Variants in PARP6 observed in about 807,000 individuals in gnomAD.
PARP6 encodes poly(ADP-ribose) polymerase family member 6, also known as protein mono-ADP-ribosyltransferase PARP6.
Under a neutral mutation model 92.0 loss-of-function variants are expected in PARP6, and 27 were observed. The ratio of observed to expected loss-of-function variants is 0.29; its 90% confidence interval spans 0.22 to 0.40. The LOEUF is 0.40. Ranked by LOEUF, PARP6 falls within the 10% of genes least tolerant of loss-of-function variation. The pLI is 1.00. For synonymous variants in PARP6, 272 were observed against 281.2 expected (o/e 0.97, Z 0.33); for missense variants, 501 against 784.5 (o/e 0.64, Z 4.32).
intron 16 of PARP6, 145 bp downstream of exon 16, chr15:72,253,292 C>A: frequency 2.1e-6 from 1 of 475,744 alleles, no homozygotes; most frequent in Non-Finnish European, 3.7e-6. Context: ...CAAGGTATGC[C>A]AACAAACTCC....
chr15:72,255,781 TCTC>T (rs1265314337), intron 14 of PARP6, among the ~76,000 whole-genome samples: 5 of 64,594 alleles, frequency 7.7e-5, no homozygotes, highest in Admixed American at 6.4e-4. Context: ...ATATTACTTC[TCTC>T]TTTTTTTTTT....
At position 72,259,666 on chromosome 15, in the gene PARP6, T is replaced by G; in HGVS notation, c.757-5A>C. Reference sequence around the variant, plus strand: ...GTTCTTGCAGTGACCACTGACCTGGTGAGAGTAAAAAGACAGACCCCGTGA... The same window carrying G: ...GTTCTTGCAGTGACCACTGACCTGGGGAGAGTAAAAAGACAGACCCCGTGA... On this transcript the variant is annotated splice_region_variant and splice_polypyrimidine_tract_variant and intron_variant, in intron 10 of 23. Transcript: ENST00000569795. The G allele has an allele frequency of 6.2e-7, 1 of 1,613,812 alleles. No homozygotes were observed. Among genetic ancestry groups the G allele is most frequent in the Non-Finnish European group, 8.5e-7 (1 of 1,179,788 alleles).
intron 2 of PARP6, among the ~76,000 whole-genome samples, chr15:72,269,907 A>G (rs1293968995): frequency 6.6e-6 from 1 of 151,566 alleles, no homozygotes; most frequent in Non-Finnish European, 1.5e-5. Flanking sequence ...CTCAAAAAAA[A>G]AAAAAAAAAA....
At chr15:72,248,387 G>A (rs2083894952) in intron 20 of PARP6, among the ~76,000 whole-genome samples, 1 of 151,474 alleles carries the variant, frequency 6.6e-6, no homozygotes, top group Admixed American at 6.6e-5. Flanking sequence ...TGTCAACCAG[G>A]CTGGTGTGCA....
intron 15 of PARP6, chr15:72,253,718 CAACA>C (rs2084676413): frequency 5.9e-6 from 4 of 681,434 alleles, no homozygotes; most frequent in Non-Finnish European, 1.1e-5. Context: ...GCTTACAAAA[CAACA>C]TGCAGGTGGG....
In PARP6 at chr15:72,260,620, A is replaced by T; in HGVS notation, c.614T>A (p.Val205Asp). The part of the protein sequence containing the change: ...KGKLGVPELR[V>D]GRLMNRSISC... Reference sequence around the variant, plus strand: ...GATGGAACGGTTCATGAGGCGCCCAACCCGAAGCTCTGGTACACCTAGTTT... The same window carrying T: ...GATGGAACGGTTCATGAGGCGCCCATCCCGAAGCTCTGGTACACCTAGTTT... The change falls in exon 10 of 24, where the codon GTT becomes GAT. Residue 205 changes from valine (V) to aspartate (D), a missense_variant. By Grantham distance (152) the Val-to-Asp change is radical. Around this residue, in one of 4 missense-constraint regions of PARP6, gnomAD observed 291 missense variants for 352.0 expected, o/e 0.83. Coordinates refer to ENST00000569795, the MANE Select transcript of PARP6 (RefSeq NM_001323532.2). 6.2e-7 allele frequency: 1 copy of T among 1,614,136 alleles called. No homozygotes were observed. Among genetic ancestry groups the T allele is most frequent in the Non-Finnish European group, 8.5e-7 (1 of 1,180,028 alleles).
chr15:72,266,732 G>A lies in PARP6; in HGVS notation c.81+13C>T, dbSNP rs181598007. 1.5e-3 allele frequency: 2,433 copies of A among 1,600,574 alleles called. 48 individuals are homozygous for A. Among genetic ancestry groups the A allele is most frequent in the Non-Finnish European group, 1.8e-4 (210 of 1,167,732 alleles). ...ACCATCCAACACGGGGGTCTTGGGA[G>A]ATGTAACCTCACCTGAACGCCATAG... is the stretch of plus-strand genomic sequence containing the variant. On this transcript the variant is annotated intron_variant, in intron 4 of 23. Transcript: ENST00000569795.
At chr15:72,250,511 CTCTT>C (rs1356889009) in intron 18 of PARP6, 6 of 332,110 alleles carry the variant, frequency 1.8e-5, no homozygotes, top group African/African-American at 6.4e-5. Flanking sequence ...TTTAATACCT[CTCTT>C]TCTCTTTCCC....
Position 72,242,887 on chromosome 15 carries a change from G to A in PARP6, c.1562-188C>T. 1 of 574,974 alleles carries A rather than the reference G, an allele frequency of 1.7e-6. No individual in the cohort carries two copies. Among genetic ancestry groups the A allele is most frequent in the Non-Finnish European group, 3.1e-6 (1 of 324,830 alleles). The allele number at this position is 574,974 out of a possible 1,614,324, so 35.6% of individuals were successfully genotyped here. A position where few individuals can be genotyped will look rare whatever the true frequency, so the allele number is the denominator to read the frequency against. On this transcript the variant is annotated intron_variant, in intron 20 of 23. Coordinates refer to ENST00000569795, the MANE Select transcript of PARP6 (RefSeq NM_001323532.2). This position sits in a 1 kb window ranked among gnomAD's most constrained non-coding sequence, Gnocchi z 4.3. ...AGTAATTAACAACACAGCATGGTAAGGGGTTGTGATGCAGATTATAGAGCA... is the reference window on the plus strand; with the variant it reads ...AGTAATTAACAACACAGCATGGTAAAGGGTTGTGATGCAGATTATAGAGCA...
chr15:72,259,415 G>A (rs953030651), intron 11 of PARP6, among the ~76,000 whole-genome samples, 193 bp downstream of exon 11: 1 of 152,246 alleles, frequency 6.6e-6, no homozygotes, highest in African/African-American at 2.4e-5. Flanking sequence ...TTGATCATAA[G>A]TGGTAAGTAT....
At chr15:72,254,569 G>A in intron 14 of PARP6, 49 bp from the exon 15 acceptor site, 1 of 1,457,228 alleles carries the variant, frequency 6.9e-7, no homozygotes, top group Non-Finnish European at 9.6e-7. Flanking sequence ...AAAAGTAGAG[G>A]AAAGTAAGAT....
intron 20 of PARP6, chr15:72,243,769 G>T (rs542457996): frequency 6.6e-6 from 1 of 152,198 alleles, no homozygotes; most frequent in East Asian, 1.9e-4. Flanking sequence ...GGACACACGT[G>T]CCTGTGTGTG....
At chr15:72,270,814 T>G (rs755729040) in intron 2 of PARP6, among the ~76,000 whole-genome samples, 3 of 152,238 alleles carry the variant, frequency 2.0e-5, no homozygotes, top group Non-Finnish European at 2.9e-5. Context: ...TATAAAATGT[T>G]TATCAGAATG....
chr15:72,250,149 C>G, intron 18 of PARP6, 57 bp from the exon 19 acceptor site: 1 of 1,075,630 alleles, frequency 9.3e-7, no homozygotes. Context: ...CAGGAACACT[C>G]CCAAGACTGC....
At chr15:72,253,786 AAAAT>A in intron 15 of PARP6, 1 of 571,292 alleles carries the variant, frequency 1.8e-6, no homozygotes, top group Non-Finnish European at 3.3e-6. Context: ...TATAAATCAA[AAAAT>A]AAATAAAATC....
intron 8 of PARP6, among the ~76,000 whole-genome samples, chr15:72,263,612 A>G (rs920864170): frequency 6.6e-6 from 1 of 152,138 alleles, no homozygotes; most frequent in African/African-American, 2.4e-5. Context: ...TTTACCAGCA[A>G]TATTTAACTA....
At chr15:72,261,728 A>C in intron 8 of PARP6, 21 bp from the exon 9 acceptor site, 1 of 1,612,538 alleles carries the variant, frequency 6.2e-7, no homozygotes, top group Non-Finnish European at 8.5e-7. Context: ...AAAAAGAATG[A>C]GCTTAGGCAA....
At chr15:72,255,241 T>C (rs1597033129) in intron 14 of PARP6, among the ~76,000 whole-genome samples, 4 of 152,156 alleles carry the variant, frequency 2.6e-5, no homozygotes, top group East Asian at 3.9e-4. Flanking sequence ...ACTTACACCA[T>C]TGGCTCTGAT....
rs1406832110 is a variant in PARP6 at position 72,256,495 on chromosome 15, A to C, written c.1095T>G (p.Thr365=). The change falls in exon 14 of 24, where the codon ACT becomes ACG. Residue 365 remains threonine (T), a synonymous_variant. Coordinates refer to ENST00000569795, the MANE Select transcript of PARP6 (RefSeq NM_001323532.2). Reference sequence around the variant, plus strand: ...GGTTAAAGGCCAGAGTCTTGGGATCAGTGGGGTCCACCACAGAGGGATAAG... The same window carrying C: ...GGTTAAAGGCCAGAGTCTTGGGATCCGTGGGGTCCACCACAGAGGGATAAG... ...FEPYPSVVDP[T]DPKTLAFNPK... 3.1e-6 allele frequency: 5 copies of C among 1,593,212 alleles called. No homozygotes were observed. Among genetic ancestry groups the C allele is most frequent in the Non-Finnish European group, 4.3e-6 (5 of 1,171,472 alleles).
Sources: allele counts gnomAD v4.1 joint callset (sites outside exome capture counted in the v4.1 genomes callset), GRCh38; gene constraint gnomAD v4.1.1; regional missense constraint gnomAD v4.1.1; non-coding constraint Gnocchi (gnomAD v3.1); transcripts MANE v1.5; gene names NCBI Gene and HGNC (gene_info 2026-07-23, HGNC 2026-07-21).